The following PXDNL variants were observed in gnomAD, a reference collection of about 807,000 sequenced individuals.
PXDNL encodes peroxidasin like.
In PXDNL, 145 loss-of-function variants were observed where a neutral mutation model predicts 150.8. The ratio of observed to expected loss-of-function variants is 0.96; its 90% CI spans 0.84 to 1.10. The LOEUF is 1.10. PXDNL is among the 50% of genes least tolerant of loss of function. The pLI is 0.00. For missense variants in PXDNL, 2,087 were observed against 1,873.9 expected (o/e 1.11, Z -2.10); for synonymous variants, 757 against 725.7 (o/e 1.04, Z -0.69).
chr8:51,396,712 T>G (rs1024379147), intron 17 of PXDNL, among the ~76,000 whole-genome samples: 1 of 152,152 alleles, frequency 6.6e-6, no homozygotes, highest in Non-Finnish European at 1.5e-5. Flanking sequence ...GAGCTGAGAT[T>G]GCACCATTGC....
intron 1 of PXDNL, among the ~76,000 whole-genome samples, chr8:51,690,553 T>G (rs887729597): frequency 2.0e-5 from 3 of 152,172 alleles, no homozygotes; most frequent in Non-Finnish European, 4.4e-5. Context: ...CCACATTTTC[T>G]TAATCCAGTC....
intron 1 of PXDNL, among the ~76,000 whole-genome samples, chr8:51,777,156 G>A (rs369306356): frequency 2.1e-4 from 32 of 152,312 alleles, no homozygotes; most frequent in Middle Eastern, 6.8e-3. Flanking sequence ...TCTAAAACCT[G>A]TTAAATATCA....
intron 2 of PXDNL, among the ~76,000 whole-genome samples, chr8:51,612,889 C>T (rs1250712581): frequency 6.6e-6 from 1 of 152,128 alleles, no homozygotes; most frequent in East Asian, 1.9e-4. Flanking sequence ...TGCATTTTTC[C>T]TTGTTTTTCT....
At chr8:51,693,522 C>T (rs1816046239) in intron 1 of PXDNL, among the ~76,000 whole-genome samples, 2 of 152,276 alleles carry the variant, frequency 1.3e-5, no homozygotes, top group South Asian at 2.1e-4. Context: ...ACCTGTAATC[C>T]CAACACTCTG....
intron 4 of PXDNL, among the ~76,000 whole-genome samples, chr8:51,553,370 G>A (rs1294644278): frequency 1.3e-5 from 2 of 152,172 alleles, no homozygotes; most frequent in African/African-American, 2.4e-5. Flanking sequence ...CTGTGAAAAG[G>A]CACTGCCTGG....
intron 19 of PXDNL, among the ~76,000 whole-genome samples, chr8:51,353,813 T>G (rs969257): frequency 0.65 from 97,929 of 151,610 alleles, 34,375 homozygotes; most frequent in East Asian, 0.94. Context: ...AAACTTCGTT[T>G]CAGTGAATGC....
intron 2 of PXDNL, among the ~76,000 whole-genome samples, chr8:51,640,049 A>G (rs1275535975): frequency 1.3e-5 from 2 of 152,234 alleles, no homozygotes; most frequent in African/African-American, 2.4e-5. Context: ...CTGGTTCAAT[A>G]TATGCAAATC....
At chr8:51,634,825 T>TCC (rs1814572894) in intron 2 of PXDNL, among the ~76,000 whole-genome samples, 1 of 152,194 alleles carries the variant, frequency 6.6e-6, no homozygotes, top group Admixed American at 6.5e-5. Flanking sequence ...GTACATTGAC[T>TCC]TTGTACTGTG....
chr8:51,631,961 A>G (rs1814496949), intron 2 of PXDNL, among the ~76,000 whole-genome samples: 1 of 152,190 alleles, frequency 6.6e-6, no homozygotes, highest in South Asian at 2.1e-4. Context: ...TAAAACATAC[A>G]GAAAACAGGA....
At chr8:51,561,849 A>G (rs1812726579) in intron 3 of PXDNL, among the ~76,000 whole-genome samples, 1 of 152,028 alleles carries the variant, frequency 6.6e-6, no homozygotes, top group Non-Finnish European at 1.5e-5. Flanking sequence ...AATGTTTAAG[A>G]TGGTACATTT....
chr8:51,712,730 A>G (rs556774856), intron 1 of PXDNL, among the ~76,000 whole-genome samples: 7 of 152,366 alleles, frequency 4.6e-5, no homozygotes, highest in Non-Finnish European at 1.0e-4. Context: ...AGACAAATCT[A>G]GATTAAACAC....
At chr8:51,564,648 A>G (rs958791259) in intron 3 of PXDNL, among the ~76,000 whole-genome samples, 5 of 151,828 alleles carry the variant, frequency 3.3e-5, no homozygotes, top group African/African-American at 1.2e-4. Context: ...GAGACACAAC[A>G]TAATGGGGCA....
chr8:51,496,029 CAATAA>C (rs1352335521), intron 5 of PXDNL, among the ~76,000 whole-genome samples: 1 of 152,162 alleles, frequency 6.6e-6, no homozygotes, highest in Non-Finnish European at 1.5e-5. Flanking sequence ...CAAAAATCCT[CAATAA>C]AATACTGGCA....
intron 1 of PXDNL, among the ~76,000 whole-genome samples, chr8:51,660,970 A>T (rs961174000): frequency 3.9e-5 from 6 of 152,142 alleles, no homozygotes; most frequent in African/African-American, 1.4e-4. Context: ...CCAGCATTTC[A>T]GGACGGTGCT....
intron 1 of PXDNL, among the ~76,000 whole-genome samples, chr8:51,743,662 A>G (rs1289824477): frequency 6.6e-6 from 1 of 151,944 alleles, no homozygotes; most frequent in Non-Finnish European, 1.5e-5. Flanking sequence ...GATTACAGGC[A>G]TGAGCCACCA....
chr8:51,505,174 A>G (rs1182652100), intron 4 of PXDNL, among the ~76,000 whole-genome samples: 1 of 152,194 alleles, frequency 6.6e-6, no homozygotes, highest in South Asian at 2.1e-4. Context: ...CTCGTATCTG[A>G]GTAAATATTT....
intron 3 of PXDNL, among the ~76,000 whole-genome samples, chr8:51,576,415 C>T (rs1813056149): frequency 6.6e-6 from 1 of 151,614 alleles, no homozygotes; most frequent in Admixed American, 6.6e-5. Flanking sequence ...AAACAACGTA[C>T]TTACAAACAA....
intron 1 of PXDNL, among the ~76,000 whole-genome samples, chr8:51,688,251 G>A (rs960767818): frequency 2.0e-5 from 3 of 152,014 alleles, no homozygotes; most frequent in African/African-American, 7.3e-5. Flanking sequence ...GAAGACCGGA[G>A]TCAGAAGCAT....
intron 3 of PXDNL, among the ~76,000 whole-genome samples, chr8:51,569,921 A>T (rs1812898284): frequency 6.6e-6 from 1 of 151,912 alleles, no homozygotes; most frequent in African/African-American, 2.4e-5. Context: ...TCAGTAAATA[A>T]TGCATTTAGA....
Sources: gnomAD v4.1 joint callset for allele counts (sites outside exome capture counted in the v4.1 genomes callset) on GRCh38, gnomAD v4.1.1 for gene constraint, MANE v1.5 for transcripts, NCBI Gene and HGNC (gene_info 2026-07-23, HGNC 2026-07-21) for gene names.